Variants in CEP192 observed in about 807,000 individuals in gnomAD.
CEP192 encodes the protein centrosomal protein of 192 kDa.
Under a neutral mutation model 271.8 loss-of-function variants are expected in CEP192, and 151 were observed. The observed-to-expected ratio is 0.56, with a 90% confidence interval of 0.49 to 0.64. The LOEUF (loss-of-function observed/expected upper bound fraction) is 0.64. CEP192 is among the 30% of genes least tolerant of loss of function. The probability of loss-of-function intolerance (pLI) is 0.00; values close to 1 mark genes in which losing one functional copy is unlikely to be tolerated. For synonymous variants in CEP192, 995 were observed against 1,076.5 expected (o/e 0.92, Z 1.48); for missense variants, 2,910 against 3,020.5 (o/e 0.96, Z 0.86).
At chr18:13,001,025 A>C (rs767694190) in intron 2 of CEP192, among the ~76,000 whole-genome samples, 2 of 152,158 alleles carry the variant, frequency 1.3e-5, no homozygotes, top group Admixed American at 1.3e-4. Context: ...TACCAGATTG[A>C]TGTTTGGTTA....
chr18:13,035,546 G>T (rs1380227665), intron 11 of CEP192, among the ~76,000 whole-genome samples: 2 of 152,210 alleles, frequency 1.3e-5, no homozygotes, highest in South Asian at 4.1e-4. Flanking sequence ...CTCCCCCTGG[G>T]TCCCTCCCAC....
At chr18:13,007,780 T>C (rs1333352615) in intron 3 of CEP192, among the ~76,000 whole-genome samples, 1 of 152,194 alleles carries the variant, frequency 6.6e-6, no homozygotes, top group Non-Finnish European at 1.5e-5. Flanking sequence ...TTGAGAAATA[T>C]GGAAGGACTT....
Position 13,017,210 on chromosome 18 carries a change from G to A in CEP192, c.663G>A (p.Met221Ile), listed in dbSNP as rs1167715950. ...TAGATGATGATATTGATGATGAAATGTTTTATGATGATCATTTGGAGGCTT... is the reference window on the plus strand; with the variant it reads ...TAGATGATGATATTGATGATGAAATATTTTATGATGATCATTTGGAGGCTT... Reference protein sequence around the residue: ...DSSDDDIDDEMFYDDHLEAYF... With the variant: ...DSSDDDIDDEIFYDDHLEAYF... The change falls in exon 7 of 45, where the codon ATG becomes ATA. Residue 221 changes from methionine to isoleucine, a missense_variant. By Grantham distance (10) the Met-to-Ile change is conservative. Coordinates refer to ENST00000506447, the MANE Select transcript of CEP192 (RefSeq NM_032142.4). 1.3e-6 allele frequency: 2 copies of A among 1,548,498 alleles called. No homozygotes were observed. Among genetic ancestry groups the A allele is most frequent in the Admixed American group, 2.0e-5 (1 of 50,780 alleles).
At chr18:13,070,971 A>C in intron 27 of CEP192, 68 bp from the exon 28 acceptor site, 1 of 1,310,730 alleles carries the variant, frequency 7.6e-7, no homozygotes, top group Admixed American at 1.9e-5. Context: ...GACAATGGAA[A>C]CATATAGGAA....
intron 44 of CEP192, among the ~76,000 whole-genome samples, chr18:13,117,893 C>G (rs2145128923): frequency 6.6e-6 from 1 of 152,306 alleles, no homozygotes; most frequent in Non-Finnish European, 1.5e-5. Context: ...CTCCTCCCAC[C>G]CAGGATTTGC....
chr18:13,001,784 A>G (rs570220383), intron 3 of CEP192, among the ~76,000 whole-genome samples: 56 of 152,192 alleles, frequency 3.7e-4, no homozygotes, highest in Non-Finnish European at 6.3e-4. Context: ...GCTCACTGCA[A>G]CCTCTGCCTC....
chr18:13,041,088 A>G (rs1301263509), intron 14 of CEP192, 132 bp downstream of exon 14: 3 of 706,234 alleles, frequency 4.2e-6, no homozygotes, highest in Middle Eastern at 2.9e-4. Context: ...AGTGTTGGTT[A>G]TAGATTTGAT....
chr18:13,093,641 G>T (rs578258104), intron 34 of CEP192, among the ~76,000 whole-genome samples: 4 of 152,298 alleles, frequency 2.6e-5, no homozygotes, highest in Admixed American at 2.6e-4. Context: ...TTGACACAAG[G>T]TCTCTAAATT....
chr18:13,031,127 C>T (rs1467874503), intron 11 of CEP192, among the ~76,000 whole-genome samples: 6 of 151,928 alleles, frequency 3.9e-5, no homozygotes, highest in Admixed American at 3.3e-4. Flanking sequence ...TGCCAGGTCA[C>T]GAGATTTTGA....
In CEP192 at chr18:13,049,079, G is replaced by A. The variant is rs1003573664; in HGVS notation, c.2288G>A (p.Arg763His). ...AAACAAAAGGACTATTCTCATGTGC[G>A]TCATTTCTTACCTAATGATTTAGAA... ...DEKQKDYSHV[R>H]HFLPNDLEKS... is the part of the protein sequence containing the mutation. The change falls in exon 16 of 45, where the codon CGT becomes CAT. Residue 763 changes from arginine (R) to histidine (H), a missense_variant. Coordinates refer to ENST00000506447, the MANE Select transcript of CEP192 (RefSeq NM_032142.4). 6 of 1,613,894 alleles carry A rather than the reference G, an allele frequency of 3.7e-6. No individual in the cohort carries two copies. Among genetic ancestry groups the A allele is most frequent in the Middle Eastern group, 1.6e-4 (1 of 6,062 alleles).
chr18:13,070,338 ATCT>A (rs1171531745), intron 27 of CEP192, among the ~76,000 whole-genome samples: 4 of 152,160 alleles, frequency 2.6e-5, no homozygotes, highest in African/African-American at 9.6e-5. Flanking sequence ...TTGACTAAAA[ATCT>A]TCTTTTAAAC....
At chr18:13,098,936 G>A (rs538544853) in intron 36 of CEP192, among the ~76,000 whole-genome samples, 29 of 152,310 alleles carry the variant, frequency 1.9e-4, no homozygotes, top group Admixed American at 3.3e-4. Context: ...CCGGCACCTC[G>A]GGAGGCTGAG....
At chr18:12,995,732 G>A (rs1389591533) in intron 1 of CEP192, among the ~76,000 whole-genome samples, 2 of 152,188 alleles carry the variant, frequency 1.3e-5, no homozygotes, top group Non-Finnish European at 2.9e-5. Flanking sequence ...GAAGTGCCCT[G>A]TTCAAATCTG....
At chr18:12,994,251 G>T (rs60989271) in intron 1 of CEP192, among the ~76,000 whole-genome samples, 17,340 of 152,186 alleles carry the variant, frequency 0.11, 1,164 homozygotes, top group East Asian at 0.31. Flanking sequence ...CTGTGGCGCT[G>T]TTTGACTTAA....
intron 36 of CEP192, among the ~76,000 whole-genome samples, chr18:13,099,065 A>G (rs912042450): frequency 1.3e-5 from 2 of 151,824 alleles, no homozygotes; most frequent in Non-Finnish European, 2.9e-5. Context: ...CTGCAATCGC[A>G]GGCACTCGGC....
chr18:13,117,719 G>T, intron 44 of CEP192, 76 bp downstream of exon 44: 1 of 1,078,120 alleles, frequency 9.3e-7, no homozygotes, highest in Non-Finnish European at 1.4e-6. Context: ...GGCTTGTGAG[G>T]TCTCCTCTGC....
Position 13,118,787 on chromosome 18 carries a change from G to A in CEP192, c.7475+1144G>A, listed in dbSNP as rs142589328. 4.2e-3 allele frequency among the ~76,000 whole-genome samples: 640 copies of A among 150,864 alleles called. 5 individuals carry two copies. Among genetic ancestry groups the A allele is most frequent in the African/African-American group, 0.014 (586 of 41,166 alleles). ...GTAATAATGCCCAGACATAGCAAGCGTCAGGTGTTAACATCATCATCATCA... is the reference window on the plus strand; with the variant it reads ...GTAATAATGCCCAGACATAGCAAGCATCAGGTGTTAACATCATCATCATCA... On this transcript the variant is annotated intron_variant, in intron 44 of 44. Coordinates refer to ENST00000506447, the MANE Select transcript of CEP192 (RefSeq NM_032142.4).
At position 13,001,576 on chromosome 18, in the gene CEP192, A is replaced by G; in HGVS notation, c.284A>G (p.Asp95Gly). The change falls in exon 3 of 45, where the codon GAT becomes GGT. Residue 95 changes from aspartate (D) to glycine (G), a missense_variant. Transcript: ENST00000506447. The stretch of plus-strand genomic sequence containing the variant: ...GAGAGGTTACAGCTTAGCTTCCAGG[A>G]TGATGAGTAAGTTCATACCTTCATT... ...PRERLQLSFQDDDSISRKKSY... is the reference protein window; with the variant it reads ...PRERLQLSFQGDDSISRKKSY... The G allele has an allele frequency of 1.3e-6, 2 of 1,547,170 alleles. No homozygotes were observed. The highest frequency in any genetic ancestry group is 1.2e-5 in the South Asian group (1 of 83,468).
intron 38 of CEP192, among the ~76,000 whole-genome samples, chr18:13,101,543 A>G (rs2039705457): frequency 6.6e-6 from 1 of 151,976 alleles, no homozygotes; most frequent in African/African-American, 2.4e-5. Flanking sequence ...TGTCTCCCTC[A>G]CTGCTGGCTC....
Sources: allele counts gnomAD v4.1 joint callset (sites outside exome capture counted in the v4.1 genomes callset), GRCh38; gene constraint gnomAD v4.1.1; transcripts MANE v1.5; gene names NCBI Gene and HGNC (gene_info 2026-07-23, HGNC 2026-07-21).